The following MBNL1 variants were observed in gnomAD, a reference collection of about 807,000 sequenced individuals.
The protein encoded by MBNL1 is muscleblind like splicing regulator 1.
A neutral mutation model predicts 42.2 loss-of-function variants in MBNL1; 8 were observed. The observed-to-expected ratio is 0.19, with a 90% confidence interval of 0.11 to 0.34. MBNL1 has a LOEUF of 0.34. Among genes scored for constraint, MBNL1 ranks in the 10% least tolerant of loss-of-function variants. The pLI is 1.00. For missense variants in MBNL1, 309 were observed against 495.3 expected (o/e 0.62, Z 3.57); for synonymous variants, 169 against 173.9 (o/e 0.97, Z 0.22).
chr3:152,327,329 C>T (rs971886712), intron 2 of MBNL1, among the ~76,000 whole-genome samples: 4 of 151,564 alleles, frequency 2.6e-5, no homozygotes, highest in African/African-American at 9.7e-5. Context: ...AGATATGAGC[C>T]CTGCTTTTTT....
chr3:152,315,890 TC>T (rs1160089992), intron 2 of MBNL1, among the ~76,000 whole-genome samples: 2 of 148,890 alleles, frequency 1.3e-5, no homozygotes, highest in Admixed American at 1.3e-4. Flanking sequence ...TCTCTCTCAC[TC>T]CTCTCTCTCT....
At chr3:152,285,073 C>T (rs1375414809) in intron 1 of MBNL1, among the ~76,000 whole-genome samples, 2 of 152,064 alleles carry the variant, frequency 1.3e-5, no homozygotes, top group Admixed American at 6.6e-5. Flanking sequence ...CAATAGCATC[C>T]GTTCTCAGCT....
chr3:152,319,062 T>G (rs1226932132), intron 2 of MBNL1, among the ~76,000 whole-genome samples: 2 of 152,196 alleles, frequency 1.3e-5, no homozygotes, highest in African/African-American at 2.4e-5. Flanking sequence ...TAGAGTAAGT[T>G]GGAGAGACAA....
chr3:152,263,325 T>G (rs2036614188), upstream of MBNL1: 1 of 152,218 alleles, frequency 6.6e-6, no homozygotes. Flanking sequence ...CTGGAAACAC[T>G]GCTGATATCA....
chr3:152,282,760 A>G (rs2150423649), intron 1 of MBNL1, among the ~76,000 whole-genome samples: 1 of 152,322 alleles, frequency 6.6e-6, no homozygotes, highest in South Asian at 2.1e-4. Flanking sequence ...TGTTAGATTT[A>G]CTATGCACGA....
chr3:152,416,933 ATTAG>A (rs2098711932), intron 3 of MBNL1, among the ~76,000 whole-genome samples: 1 of 152,214 alleles, frequency 6.6e-6, no homozygotes, highest in South Asian at 2.1e-4. Context: ...AATTATTTTT[ATTAG>A]TTGTGAGCAT....
At chr3:152,452,303 C>T (rs543329428) in intron 6 of MBNL1, among the ~76,000 whole-genome samples, 2 of 151,830 alleles carry the variant, frequency 1.3e-5, no homozygotes, top group African/African-American at 4.8e-5. Context: ...TTTCTTTTTT[C>T]GTTGAAATTA....
intron 1 of MBNL1, among the ~76,000 whole-genome samples, chr3:152,286,584 AATTAT>A (rs1354081410): frequency 7.5e-6 from 1 of 133,504 alleles, no homozygotes; most frequent in African/African-American, 2.8e-5. Flanking sequence ...ATAAATATTT[AATTAT>A]ATTTTATAGG....
chr3:152,431,322 A>G (rs1396303782), intron 3 of MBNL1, among the ~76,000 whole-genome samples: 2 of 152,202 alleles, frequency 1.3e-5, no homozygotes, highest in Admixed American at 1.3e-4. Flanking sequence ...CTCAGTTGAA[A>G]ACCACTGCCC....
chr3:152,363,391 T>TA (rs1239604807), intron 2 of MBNL1, among the ~76,000 whole-genome samples: 1 of 152,242 alleles, frequency 6.6e-6, no homozygotes, highest in Admixed American at 6.5e-5. Flanking sequence ...AGTAAGGCCT[T>TA]AGCAGGGACT....
intron 1 of MBNL1, among the ~76,000 whole-genome samples, chr3:152,288,348 C>G (rs1021834445): frequency 6.6e-6 from 1 of 152,278 alleles, no homozygotes; most frequent in African/African-American, 2.4e-5. Context: ...AGACTCCCCA[C>G]TCCTGACTCA....
At chr3:152,333,499 C>A (rs866290789) in intron 2 of MBNL1, among the ~76,000 whole-genome samples, 9 of 152,280 alleles carry the variant, frequency 5.9e-5, no homozygotes, top group African/African-American at 2.2e-4. Flanking sequence ...CATCAGTTTT[C>A]AAGTGTCAGT....
chr3:152,357,026 C>T (rs1281383535), intron 2 of MBNL1, among the ~76,000 whole-genome samples: 1 of 152,074 alleles, frequency 6.6e-6, no homozygotes, highest in East Asian at 1.9e-4. Flanking sequence ...TCCAATTCAC[C>T]ATGCTATTGA....
chr3:152,286,213 T>C (rs1189467586), intron 1 of MBNL1, among the ~76,000 whole-genome samples: 2 of 150,028 alleles, frequency 1.3e-5, no homozygotes, highest in Non-Finnish European at 3.0e-5. Context: ...CTAAATCCAA[T>C]GTAAATGTTT....
intron 2 of MBNL1, chr3:152,338,054 T>C (rs1437937414): frequency 2.2e-6 from 2 of 923,812 alleles, no homozygotes; most frequent in African/African-American, 3.6e-5. Context: ...ATGTCACTTA[T>C]TAGATTTTTA....
In MBNL1 at chr3:152,358,166, C is replaced by T. The variant is rs186503885; in HGVS notation, c.175-56775C>T. ...ACAGTTTCAGGTATCCCATGAAGAG[C>T]GAAATGTGTATAAAGAGAGATTTTT... On this transcript the variant is annotated intron_variant, in intron 2 of 9. Transcript: ENST00000324210. 2.0e-3 allele frequency among the ~76,000 whole-genome samples: 304 copies of T among 151,940 alleles called. 1 individual carries two copies. The highest frequency in any genetic ancestry group is 6.8e-3 in the African/African-American group (281 of 41,426).
At chr3:152,381,415 G>A (rs1379945943) in intron 2 of MBNL1, among the ~76,000 whole-genome samples, 3 of 151,864 alleles carry the variant, frequency 2.0e-5, no homozygotes, top group Non-Finnish European at 4.4e-5. Flanking sequence ...CTGTCCATAA[G>A]TGCACACTAT....
intron 1 of MBNL1, among the ~76,000 whole-genome samples, chr3:152,294,174 T>G (rs1291637265): frequency 6.6e-6 from 1 of 152,038 alleles, no homozygotes; most frequent in Non-Finnish European, 1.5e-5. Context: ...ATATTAGTGT[T>G]GTAGATGATG....
intron 1 of MBNL1, chr3:152,269,661 CT>C: frequency 3.2e-6 from 1 of 310,848 alleles, no homozygotes; most frequent in Non-Finnish European, 6.6e-6. Flanking sequence ...GCCAGTTTGC[CT>C]TTTGCCAAGT....
Sources: allele counts gnomAD v4.1 joint callset (sites outside exome capture counted in the v4.1 genomes callset), GRCh38; gene constraint gnomAD v4.1.1; transcripts MANE v1.5; gene names NCBI Gene and HGNC (gene_info 2026-07-23, HGNC 2026-07-21).